SLC30A8: variants seen among roughly 807,000 people sequenced by gnomAD.
SLC30A8 encodes proton-coupled zinc antiporter SLC30A8.
Under a neutral mutation model 36.9 loss-of-function variants are expected in SLC30A8, and 27 were observed. The ratio of observed to expected loss-of-function variants is 0.73; its 90% CI spans 0.54 to 1.01. SLC30A8 has a LOEUF of 1.01. Ranked by LOEUF, SLC30A8 falls within the 50% of genes least tolerant of loss-of-function variation. The pLI, the probability that SLC30A8 is intolerant of heterozygous loss-of-function variation, is 0.00. For synonymous variants in SLC30A8, 164 were observed against 172.4 expected (o/e 0.95, Z 0.38); for missense variants, 439 against 452.0 (o/e 0.97, Z 0.26).
chr8:117,170,504 A>G (rs1417988916), intron 6 of SLC30A8, among the ~76,000 whole-genome samples: 1 of 152,132 alleles, frequency 6.6e-6, no homozygotes, highest in Non-Finnish European at 1.5e-5. Flanking sequence ...CCTGTTGAGT[A>G]ACTAATCTTT....
chr8:117,138,060 C>CAAAAAAAAAAAAAAAAAAA (rs60065374), intron 1 of SLC30A8, among the ~76,000 whole-genome samples: 5 of 49,960 alleles, frequency 1.0e-4, no homozygotes, highest in South Asian at 7.9e-4. Context: ...TTCATTGTAG[C>CAAAAAAAAAAAAAAAAAAA]AAAAAAAAAA....
At chr8:117,032,512 AAACACTC>A (rs1485133300) in intron 1 of SLC30A8, among the ~76,000 whole-genome samples, 5 of 152,218 alleles carry the variant, frequency 3.3e-5, no homozygotes, top group Non-Finnish European at 7.3e-5. Flanking sequence ...CACATTCACT[AAACACTC>A]AACATGTTTT....
upstream of SLC30A8, among the ~76,000 whole-genome samples, chr8:117,133,410 A>G (rs1304824037): frequency 6.6e-6 from 1 of 152,022 alleles, no homozygotes; most frequent in Non-Finnish European, 1.5e-5. Context: ...GTATGTATGT[A>G]TGTCAATTAT....
rs116818491 is a variant in SLC30A8 at position 117,153,237 on chromosome 8, G to A, written c.418+147G>A. 2.5e-4 allele frequency: 180 copies of A among 733,218 alleles called. No homozygotes were observed. In the African/African-American group the frequency reaches 2.9e-3, roughly 12 times the overall value. The allele number at this position is 733,218 out of a possible 1,614,324, so 45.4% of individuals were successfully genotyped here. A position where few individuals can be genotyped will look rare whatever the true frequency, so the allele number is the denominator to read the frequency against. ...CAGGATAAAACAAATGTGTATGTGG[G>A]AATGTGTGTTTTCAATATTAATTCA... On this transcript the variant is annotated intron_variant, in intron 3 of 7. Coordinates refer to ENST00000456015, the MANE Select transcript of SLC30A8 (RefSeq NM_173851.3).
At position 117,149,934 on chromosome 8, in the gene SLC30A8, C is replaced by T. The variant is rs557736699; in HGVS notation, c.271+2781C>T. Among the ~76,000 whole-genome samples, 12 of 152,288 alleles carry T rather than the reference C, an allele frequency of 7.9e-5. No individual in the cohort carries two copies. In the East Asian group the frequency reaches 9.7e-4, roughly 12 times the overall value. On this transcript the variant is annotated intron_variant, in intron 2 of 7. Transcript: ENST00000456015. Reference sequence around the variant, plus strand: ...ACAGTCACTCACCCACACTCACTCCCGCCAGGACCATGTAGACACGCCAGT... The same window carrying T: ...ACAGTCACTCACCCACACTCACTCCTGCCAGGACCATGTAGACACGCCAGT...
At position 117,138,904 on chromosome 8, in the gene SLC30A8, T is replaced by C. The variant is rs193124811; in HGVS notation, c.71+3506T>C. On this transcript the variant is annotated intron_variant, in intron 1 of 7. Coordinates refer to ENST00000456015, the MANE Select transcript of SLC30A8 (RefSeq NM_173851.3). ...CATAAGAATAGAGGGCTATGTATCT[T>C]TCCCTTAGAAGACTGATGATACATA... 2.6e-5 allele frequency among the ~76,000 whole-genome samples: 4 copies of C among 152,148 alleles called. No homozygotes were observed. The East Asian group carries it at 7.8e-4, about 30-fold the overall frequency.
intron 1 of SLC30A8, among the ~76,000 whole-genome samples, chr8:116,958,841 ATTTTTTTTTTTTTT>A (rs758505118): frequency 2.0e-4 from 12 of 60,010 alleles, no homozygotes; most frequent in Admixed American, 1.1e-3. Flanking sequence ...TGCTCTTTTC[ATTTTTTTTTTTTTT>A]TTTTTTTTTT....
chr8:117,076,281 T>G (rs1451896148), intron 2 of SLC30A8, among the ~76,000 whole-genome samples: 2 of 152,196 alleles, frequency 1.3e-5, no homozygotes, highest in Admixed American at 1.3e-4. Flanking sequence ...TTTGGTTAAA[T>G]AAATGTCTAA....
chr8:116,969,275 G>A (rs1178498019), intron 1 of SLC30A8, among the ~76,000 whole-genome samples: 1 of 152,060 alleles, frequency 6.6e-6, no homozygotes, highest in Non-Finnish European at 1.5e-5. Flanking sequence ...AAAATTAGCT[G>A]GGCGTAATGG....
intron 1 of SLC30A8, among the ~76,000 whole-genome samples, chr8:117,141,833 A>G (rs1351075044): frequency 6.6e-6 from 1 of 152,158 alleles, no homozygotes; most frequent in African/African-American, 2.4e-5. Context: ...TCAGACTGGA[A>G]ATAATTTAAT....
At chr8:117,037,254 C>T (rs1395615552) in intron 1 of SLC30A8, among the ~76,000 whole-genome samples, 2 of 151,998 alleles carry the variant, frequency 1.3e-5, no homozygotes, top group African/African-American at 4.8e-5. Context: ...GATTAGAAGA[C>T]CTAAATCCTA....
chr8:117,154,890 C>T (rs1052473101), intron 3 of SLC30A8, among the ~76,000 whole-genome samples: 4 of 152,102 alleles, frequency 2.6e-5, no homozygotes, highest in African/African-American at 7.2e-5. Context: ...CTCTCTGCTG[C>T]GAGGGCAATA....
rs929748890 is a variant in SLC30A8 at position 117,112,168 on chromosome 8, T to C, written c.-225-23112T>C. 8.5e-5 allele frequency among the ~76,000 whole-genome samples: 13 copies of C among 152,262 alleles called. No homozygotes were observed. In the South Asian group the frequency reaches 2.7e-3, roughly 32 times the overall value. Reference sequence around the variant, plus strand: ...GTGAAGATATCACCTCATGGGTTCATTGATAAATGACAGGTGATTTTATGC... The same window carrying C: ...GTGAAGATATCACCTCATGGGTTCACTGATAAATGACAGGTGATTTTATGC... On this transcript the variant is annotated intron_variant, in intron 2 of 10. Transcript: ENST00000427715.
At chr8:116,976,837 T>TTCTTTTCTTTTCTTTTCTTTTC (rs1815046202) in intron 1 of SLC30A8, among the ~76,000 whole-genome samples, 1 of 139,194 alleles carries the variant, frequency 7.2e-6, no homozygotes, top group Admixed American at 7.3e-5. Flanking sequence ...TTTTTTTTTT[T>TTCTTTTCTTTTCTTTTCTTTTC]TACAGAGTCT....
chr8:116,981,363 G>T (rs2130643308), intron 1 of SLC30A8, among the ~76,000 whole-genome samples: 1 of 152,316 alleles, frequency 6.6e-6, no homozygotes, highest in Admixed American at 6.5e-5. Flanking sequence ...CTCATGTGAA[G>T]TCACAAGTAG....
chr8:116,991,310 C>CT (rs369797484), intron 1 of SLC30A8, among the ~76,000 whole-genome samples: 62 of 148,422 alleles, frequency 4.2e-4, no homozygotes, highest in African/African-American at 7.4e-4. Flanking sequence ...TATTTTCTTT[C>CT]TTTTTTTTTT....
intron 2 of SLC30A8, among the ~76,000 whole-genome samples, chr8:117,068,346 A>T (rs1818229227): frequency 6.6e-6 from 1 of 152,200 alleles, no homozygotes; most frequent in Admixed American, 6.5e-5. Flanking sequence ...AAACAGCTTT[A>T]GGTTCAGATA....
At chr8:117,029,115 C>T (rs539972720) in intron 1 of SLC30A8, among the ~76,000 whole-genome samples, 1 of 152,190 alleles carries the variant, frequency 6.6e-6, no homozygotes, top group Non-Finnish European at 1.5e-5. Context: ...ATCTTTTGCC[C>T]CTGTGCCGAA....
chr8:117,147,391 G>A (rs937287760), intron 2 of SLC30A8, among the ~76,000 whole-genome samples: 4 of 152,104 alleles, frequency 2.6e-5, no homozygotes, highest in Non-Finnish European at 5.9e-5. Context: ...AATGCATTTT[G>A]TATTCATAGC....
Sources: allele counts gnomAD v4.1 joint callset (sites outside exome capture counted in the v4.1 genomes callset), GRCh38; gene constraint gnomAD v4.1.1; transcripts MANE v1.5; gene names NCBI Gene and HGNC (gene_info 2026-07-23, HGNC 2026-07-21).